The following DENND5B variants were observed in gnomAD, a reference collection of about 807,000 sequenced individuals.
The protein encoded by DENND5B is DENN domain containing 5B, also known as DENN domain-containing protein 5B.
Under a neutral mutation model 140.6 loss-of-function variants are expected in DENND5B, and 34 were observed. The observed-to-expected ratio is 0.24, with a 90% CI of 0.18 to 0.32. The LOEUF (loss-of-function observed/expected upper bound fraction) is 0.32, where lower values mean the gene tolerates loss of function less well. DENND5B is among the 10% of genes least tolerant of loss of function. The pLI is 1.00. For missense variants in DENND5B, 1,142 were observed against 1,560.2 expected (o/e 0.73, Z 4.52); for synonymous variants, 551 against 562.1 (o/e 0.98, Z 0.28).
At chr12:31,445,887 T>C (rs1417862937) in intron 6 of DENND5B, among the ~76,000 whole-genome samples, 1 of 151,208 alleles carries the variant, frequency 6.6e-6, no homozygotes, top group African/African-American at 2.4e-5. Context: ...CACATGCCTA[T>C]AGTACCAGTT....
At chr12:31,420,752 G>A (rs7302818) in intron 11 of DENND5B, among the ~76,000 whole-genome samples, 140,328 of 152,214 alleles carry the variant, frequency 0.92, 65,277 homozygotes, top group East Asian at 0.99. Flanking sequence ...TCCTCCCAAC[G>A]AATTTAAAGG....
At chr12:31,574,874 G>A (rs951851130) in intron 1 of DENND5B, among the ~76,000 whole-genome samples, 1 of 152,178 alleles carries the variant, frequency 6.6e-6, no homozygotes, top group Non-Finnish European at 1.5e-5. Flanking sequence ...AGAGCTGCCA[G>A]TGAAAAAATG....
At chr12:31,498,636 G>A (rs1217498239) in intron 1 of DENND5B, among the ~76,000 whole-genome samples, 1 of 152,072 alleles carries the variant, frequency 6.6e-6, no homozygotes. Flanking sequence ...AAGGATATTA[G>A]GGGAAGAACT....
chr12:31,590,872 C>T lies in DENND5B; in HGVS notation c.-40G>A, dbSNP rs1277478905. The stretch of plus-strand genomic sequence containing the variant: ...TCCAGGGGCCGCCGCCGCCGCCGCC[C>T]GGGAAGGCTTTCTGCGGAGGCTGCC... On this transcript the variant is annotated 5_prime_UTR_variant, in exon 1 of 21. Transcript: ENST00000389082. 3.4e-6 allele frequency: 4 copies of T among 1,188,952 alleles called. No homozygotes were observed. The highest frequency in any genetic ancestry group is 1.6e-5 in the African/African-American group (1 of 62,264). The allele number at this position is 1,188,952 out of a possible 1,614,324, so 73.7% of individuals were successfully genotyped here.
At chr12:31,389,245 G>A in intron 20 of DENND5B, 79 bp downstream of exon 20, 1 of 1,329,062 alleles carries the variant, frequency 7.5e-7, no homozygotes, top group Admixed American at 2.5e-5. Context: ...TCTGGAAGGG[G>A]TATGATCTGG....
At chr12:31,561,997 A>C (rs951922958) in intron 1 of DENND5B, among the ~76,000 whole-genome samples, 6 of 152,334 alleles carry the variant, frequency 3.9e-5, no homozygotes, top group African/African-American at 1.4e-4. Context: ...ATAAATAAAT[A>C]ACAGGTTACA....
intron 1 of DENND5B, among the ~76,000 whole-genome samples, chr12:31,582,266 C>A (rs1471728523): frequency 6.6e-6 from 1 of 152,148 alleles, no homozygotes; most frequent in Non-Finnish European, 1.5e-5. Context: ...AATCATTCAT[C>A]TCATTTAACC....
chr12:31,571,225 C>A (rs1235635051), intron 1 of DENND5B, among the ~76,000 whole-genome samples: 2 of 152,152 alleles, frequency 1.3e-5, no homozygotes, highest in South Asian at 2.1e-4. Context: ...TTTCTTATAC[C>A]GTCTAAACAT....
chr12:31,536,601 A>G (rs1218673285), intron 1 of DENND5B, among the ~76,000 whole-genome samples: 1 of 152,110 alleles, frequency 6.6e-6, no homozygotes, highest in African/African-American at 2.4e-5. Flanking sequence ...GGGCAAACCT[A>G]AGAGTTACTG....
At chr12:31,552,670 G>C (rs1949115164) in intron 1 of DENND5B, among the ~76,000 whole-genome samples, 1 of 152,192 alleles carries the variant, frequency 6.6e-6, no homozygotes, top group Non-Finnish European at 1.5e-5. Context: ...ACCTCTGGTA[G>C]AATTTGGCTG....
chr12:31,526,604 T>C (rs1396139476), intron 1 of DENND5B, among the ~76,000 whole-genome samples: 1 of 152,152 alleles, frequency 6.6e-6, no homozygotes, highest in Non-Finnish European at 1.5e-5. Context: ...CTGCAGAGAT[T>C]AGGGGAGACT....
chr12:31,446,301 AC>A (rs959659522), intron 6 of DENND5B, among the ~76,000 whole-genome samples: 11 of 151,926 alleles, frequency 7.2e-5, no homozygotes, highest in African/African-American at 2.4e-4. Context: ...GGCGCATGAC[AC>A]CACACCTGGC....
intron 1 of DENND5B, among the ~76,000 whole-genome samples, chr12:31,512,529 G>A (rs1947469388): frequency 6.6e-6 from 1 of 151,920 alleles, no homozygotes; most frequent in Admixed American, 6.6e-5. Context: ...ACTGCACTCA[G>A]CCTATTTTCT....
chr12:31,557,306 A>C (rs184346246), intron 1 of DENND5B, among the ~76,000 whole-genome samples: 1 of 152,266 alleles, frequency 6.6e-6, no homozygotes, highest in African/African-American at 2.4e-5. Flanking sequence ...CTTTCTTTAC[A>C]TTTTCCTGTA....
At chr12:31,511,622 T>A (rs1363009714) in intron 1 of DENND5B, among the ~76,000 whole-genome samples, 1 of 151,852 alleles carries the variant, frequency 6.6e-6, no homozygotes, top group African/African-American at 2.4e-5. Context: ...GTTGTCTGCT[T>A]ACCATATTAC....
intron 4 of DENND5B, among the ~76,000 whole-genome samples, chr12:31,458,826 A>T (rs1023030005): frequency 6.6e-6 from 1 of 152,224 alleles, no homozygotes; most frequent in Non-Finnish European, 1.5e-5. Context: ...TAATGTAATT[A>T]ATCATCTTAT....
chr12:31,444,030 T>C (rs937461750), intron 6 of DENND5B: 3 of 152,146 alleles, frequency 2.0e-5, no homozygotes, highest in African/African-American at 7.2e-5. Flanking sequence ...AACAAATAAA[T>C]AAAACCTGAT....
In DENND5B at chr12:31,409,282, G is replaced by C; in HGVS notation, c.2784C>G (p.Thr928=). Residue 928 remains threonine, a synonymous_variant, in exon 14 of 21, where the codon ACC becomes ACG. Coordinates refer to ENST00000389082, the MANE Select transcript of DENND5B (RefSeq NM_144973.4). ...ACTTACTGATAGTGGTGAACACACT[G>C]GTGAAGCAGAAATAGTCCACAGCAT... ...SLNAVDYFCF[T]SVFTTIMIPY... 1 of 1,573,992 alleles carries C rather than the reference G, an allele frequency of 6.4e-7. No individual in the cohort carries two copies. The highest frequency in any genetic ancestry group is 8.6e-7 in the Non-Finnish European group (1 of 1,158,854).
chr12:31,420,016 A>C, intron 11 of DENND5B: 1 of 977,224 alleles, frequency 1.0e-6, no homozygotes, highest in African/African-American at 1.8e-5. Context: ...CAGCATTTCC[A>C]CTCCCTTCAG....
Sources: gnomAD v4.1 joint callset for allele counts (sites outside exome capture counted in the v4.1 genomes callset) on GRCh38, gnomAD v4.1.1 for gene constraint, MANE v1.5 for transcripts, NCBI Gene and HGNC (gene_info 2026-07-23, HGNC 2026-07-21) for gene names.